The following PPARGC1A variants were observed in gnomAD, a reference collection of about 807,000 sequenced individuals.
PPARGC1A encodes peroxisome proliferator-activated receptor gamma coactivator 1-alpha.
PPARGC1A carries 25 observed loss-of-function variants against 88.7 expected under a neutral mutation model. The observed-to-expected ratio is 0.28, with a 90% confidence interval of 0.21 to 0.39. PPARGC1A has a LOEUF of 0.39. Among genes scored for constraint, PPARGC1A ranks in the 10% least tolerant of loss-of-function variants. The pLI, the probability that PPARGC1A is intolerant of heterozygous loss-of-function variation, is 1.00. For missense variants in PPARGC1A, 880 were observed against 968.7 expected (o/e 0.91, Z 1.22); for synonymous variants, 363 against 355.6 (o/e 1.02, Z -0.24).
the PPARGC1A span, among the ~76,000 whole-genome samples, chr4:24,357,503 A>G: frequency 6.6e-6 from 1 of 152,220 alleles, no homozygotes; most frequent in East Asian, 1.9e-4. Flanking sequence ...TGCTTCTAGC[A>G]GCTTCACTTG....
the PPARGC1A span, among the ~76,000 whole-genome samples, chr4:24,383,897 G>C: frequency 6.6e-6 from 1 of 152,142 alleles, no homozygotes; most frequent in Non-Finnish European, 1.5e-5. Flanking sequence ...TACTTCTCGA[G>C]AAGAGCAACC....
the PPARGC1A span, among the ~76,000 whole-genome samples, chr4:24,333,142 TGA>T: frequency 3.9e-5 from 6 of 152,060 alleles, no homozygotes; most frequent in African/African-American, 1.4e-4. Context: ...CTCAGGAGGC[TGA>T]GAGGCATGAG....
the PPARGC1A span, among the ~76,000 whole-genome samples, chr4:24,400,715 T>C: frequency 2.0e-5 from 3 of 152,196 alleles, no homozygotes; most frequent in Non-Finnish European, 4.4e-5. Flanking sequence ...AATGTGAGAA[T>C]TTAATGAGCT....
chr4:24,470,737 G>T, the PPARGC1A span, among the ~76,000 whole-genome samples: 8 of 151,140 alleles, frequency 5.3e-5, no homozygotes, highest in East Asian at 1.6e-3. This position sits in a 1 kb window ranked among gnomAD's most constrained non-coding sequence, Gnocchi z 5.8. Context: ...CGGCCCGACG[G>T]TCTGCCCAGA....
At chr4:24,185,192 G>C in the PPARGC1A span, among the ~76,000 whole-genome samples, 1 of 152,112 alleles carries the variant, frequency 6.6e-6, no homozygotes, top group Non-Finnish European at 1.5e-5. Flanking sequence ...ATACCAGACA[G>C]TTCCTGAAAC....
At chr4:24,246,741 T>C in the PPARGC1A span, among the ~76,000 whole-genome samples, 10 of 152,342 alleles carry the variant, frequency 6.6e-5, no homozygotes, top group South Asian at 2.1e-3. Context: ...CACCACCACG[T>C]CACCCACGGA....
the PPARGC1A span, among the ~76,000 whole-genome samples, chr4:24,089,302 A>G: frequency 3.3e-5 from 5 of 151,988 alleles, no homozygotes; most frequent in South Asian, 1.0e-3. Flanking sequence ...GAAGTAGGTG[A>G]CTCCAGGCTT....
chr4:23,988,075 T>G, the PPARGC1A span, among the ~76,000 whole-genome samples: 1 of 152,048 alleles, frequency 6.6e-6, no homozygotes. Flanking sequence ...CTGAGAATGA[T>G]GGTTTCCAGC....
the PPARGC1A span, among the ~76,000 whole-genome samples, chr4:24,139,037 G>A: frequency 6.6e-6 from 1 of 152,130 alleles, no homozygotes; most frequent in African/African-American, 2.4e-5. Flanking sequence ...GAGTTCTTCA[G>A]TGCAGTTTTT....
the PPARGC1A span, among the ~76,000 whole-genome samples, chr4:24,423,903 G>A: frequency 1.3e-5 from 2 of 152,146 alleles, no homozygotes; most frequent in Non-Finnish European, 2.9e-5. Context: ...ACAAAATGGC[G>A]GCCATGATGG....
chr4:24,226,371 T>C, the PPARGC1A span, among the ~76,000 whole-genome samples: 9 of 152,270 alleles, frequency 5.9e-5, no homozygotes, highest in African/African-American at 1.9e-4. Flanking sequence ...AGGTCCTTCT[T>C]CTGCACTCCT....
the PPARGC1A span, among the ~76,000 whole-genome samples, chr4:24,250,427 A>C: frequency 6.6e-6 from 1 of 152,182 alleles, no homozygotes; most frequent in Non-Finnish European, 1.5e-5. Flanking sequence ...ATCCAAGGAG[A>C]GATACAGGAG....
At chr4:24,445,233 C>T in the PPARGC1A span, among the ~76,000 whole-genome samples, 81 of 152,312 alleles carry the variant, frequency 5.3e-4, no homozygotes, top group Admixed American at 2.2e-3. Context: ...AGGAACAAAC[C>T]GTCTGTGGTC....
At chr4:23,910,229 T>A in the PPARGC1A span, among the ~76,000 whole-genome samples, 2 of 106,824 alleles carry the variant, frequency 1.9e-5, no homozygotes, top group African/African-American at 3.6e-5. Flanking sequence ...TATAATATAT[T>A]ATATATAATA....
the PPARGC1A span, among the ~76,000 whole-genome samples, chr4:24,383,984 A>T: frequency 6.6e-6 from 1 of 152,202 alleles, no homozygotes; most frequent in South Asian, 2.1e-4. Context: ...GGAAAAGGTC[A>T]GGTTACCCAC....
rs1165370891 is a variant in PPARGC1A at position 23,812,857 on chromosome 4, A to G, written c.1909T>C (p.Tyr637His). 1.2e-6 allele frequency: 2 copies of G among 1,613,948 alleles called. No individual in the cohort carries two copies. The highest frequency in any genetic ancestry group is 1.1e-5 in the South Asian group (1 of 91,076). The change falls in exon 10 of 13, where the codon TAC (tyrosine) becomes CAC (histidine). Residue 637 changes from tyrosine (Y) to histidine (H), a missense_variant. Transcript: ENST00000264867. ...AGCCTCTCGTGCTGATATTCCTCGT[A>G]GCTGTCATACCTGGGAAACATAACT... ...PYSRRPRYDS[Y>H]EEYQHERLKR... is the part of the protein sequence containing the mutation.
the PPARGC1A span, among the ~76,000 whole-genome samples, chr4:24,217,539 A>C: frequency 6.6e-6 from 1 of 152,184 alleles, no homozygotes; most frequent in Non-Finnish European, 1.5e-5. Flanking sequence ...ATGGGGGCTT[A>C]TGTCTGTAAT....
chr4:24,185,154 C>T, the PPARGC1A span, among the ~76,000 whole-genome samples: 2 of 152,154 alleles, frequency 1.3e-5, no homozygotes, highest in African/African-American at 4.8e-5. Flanking sequence ...ATCAGATGTA[C>T]CAAATGTTGA....
At chr4:24,089,800 G>A in the PPARGC1A span, among the ~76,000 whole-genome samples, 2 of 152,216 alleles carry the variant, frequency 1.3e-5, no homozygotes, top group Admixed American at 1.3e-4. Flanking sequence ...GTGAGCCACC[G>A]TGCGCGGCCT....
Sources: gnomAD v4.1 joint callset for allele counts (sites outside exome capture counted in the v4.1 genomes callset) on GRCh38, gnomAD v4.1.1 for gene constraint, Gnocchi (gnomAD v3.1) non-coding constraint, MANE v1.5 for transcripts, NCBI Gene and HGNC (gene_info 2026-07-23, HGNC 2026-07-21) for gene names.